Variants in PRPF6 observed in about 807,000 individuals in gnomAD.
PRPF6 encodes the protein pre-mRNA processing factor 6.
PRPF6 carries 42 observed loss-of-function variants against 118.3 expected under a neutral mutation model. That is an observed-to-expected ratio of 0.35 (90% CI 0.28 to 0.46). PRPF6 has a LOEUF of 0.46. PRPF6 is among the 20% of genes least tolerant of loss of function. The probability of loss-of-function intolerance (pLI) is 1.00; values close to 1 mark genes in which losing one functional copy is unlikely to be tolerated. For synonymous variants in PRPF6, 481 were observed against 485.1 expected, an observed-to-expected ratio of 0.99 and a Z score of 0.11; for missense variants, 662 against 1,255.7, an observed-to-expected ratio of 0.53 and a Z score of 7.15.
intron 2 of PRPF6, 64 bp downstream of exon 2, chr20:63,983,279 T>C (rs2059079171): frequency 6.3e-7 from 1 of 1,594,864 alleles, no homozygotes; most frequent in Non-Finnish European, 8.6e-7. Context: ...ACCTAACCAG[T>C]GTGTGTTGGT....
At position 64,021,367 on chromosome 20, in the gene PRPF6, GTGTGCATGTA is replaced by G. The variant is rs547871463; in HGVS notation, c.1648-1386_1648-1377del. On this transcript the variant is annotated intron_variant, in intron 12 of 20. Coordinates refer to ENST00000266079, the MANE Select transcript of PRPF6 (RefSeq NM_012469.4). ...TCTGTGTGTGTGTGCGTGTGCATGTGTGTGCATGTATGTATATGCCTGAGCCACAGCCCTG... is the reference window on the plus strand; with the variant it reads ...TCTGTGTGTGTGTGCGTGTGCATGTGTGTATATGCCTGAGCCACAGCCCTG... Among the ~76,000 whole-genome samples the G allele has an allele frequency of 1.4e-3, 212 of 151,254 alleles. 4 individuals are homozygous for G. The South Asian group carries it at 0.043, about 31-fold the overall frequency.
chr20:64,010,120 A>C (rs1349556137), intron 9 of PRPF6, 80 bp from the exon 10 acceptor site: 2 of 1,232,370 alleles, frequency 1.6e-6, no homozygotes, highest in Non-Finnish European at 2.4e-6. Context: ...TCTCATCCTG[A>C]CCAGCAGCAT....
At chr20:63,995,996 G>T (rs1005552354) in intron 6 of PRPF6, among the ~76,000 whole-genome samples, 20 of 152,046 alleles carry the variant, frequency 1.3e-4, no homozygotes, top group African/African-American at 4.8e-4. Flanking sequence ...TAAAAAGTGT[G>T]TTTTTTTCCT....
At chr20:63,981,618 C>A (rs1480023865) in intron 1 of PRPF6, among the ~76,000 whole-genome samples, 1 of 151,946 alleles carries the variant, frequency 6.6e-6, no homozygotes, top group African/African-American at 2.4e-5. Context: ...AACACGCGAC[C>A]ACCTTCCTCA....
chr20:63,990,714 G>A (rs933660850), intron 3 of PRPF6, among the ~76,000 whole-genome samples: 2 of 149,906 alleles, frequency 1.3e-5, no homozygotes, highest in Non-Finnish European at 3.0e-5. Context: ...GCGCAACCTC[G>A]GCTTACTGCA....
intron 5 of PRPF6, 71 bp from the exon 6 acceptor site, chr20:63,995,255 CA>C (rs1478614372): frequency 6.4e-6 from 10 of 1,573,464 alleles, no homozygotes; most frequent in Middle Eastern, 1.7e-4. Flanking sequence ...GGAAGTATTT[CA>C]GAGAGTAAAT....
intron 3 of PRPF6, among the ~76,000 whole-genome samples, chr20:63,988,319 C>CAAA (rs544577872): frequency 4.4e-5 from 5 of 114,142 alleles, no homozygotes; most frequent in African/African-American, 6.4e-5. Flanking sequence ...GACTCTGTCT[C>CAAA]AAAAAAAAAA....
chr20:64,008,008 C>G (rs1269697951), intron 9 of PRPF6, among the ~76,000 whole-genome samples: 1 of 152,314 alleles, frequency 6.6e-6, no homozygotes, highest in Middle Eastern at 3.4e-3. Context: ...AACTCCTGAC[C>G]TCAGGTGATC....
Position 64,027,006 on chromosome 20 carries a change from G to A in PRPF6, c.2053G>A (p.Glu685Lys). The change falls in exon 16 of 21, where the codon GAG (glutamate) becomes AAG (lysine). Residue 685 changes from glutamate to lysine, a missense_variant. Glu to Lys is a moderately conservative substitution (Grantham distance 56, BLOSUM62 1). Coordinates refer to ENST00000266079, the MANE Select transcript of PRPF6 (RefSeq NM_012469.4). This position sits in a 1 kb window ranked among gnomAD's most constrained non-coding sequence, Gnocchi z 6.5. Reference protein sequence around the residue: ...ARVFMKSVKLEWVQDNIRAAQ... With the variant: ...ARVFMKSVKLKWVQDNIRAAQ... ...GGTGTTCATGAAGTCTGTGAAGCTG[G>A]AGTGGGTGCAAGACAACATCAGGGC... The A allele has an allele frequency of 5.0e-6, 8 of 1,613,962 alleles. No individual in the cohort carries two copies. The highest frequency in any genetic ancestry group is 6.8e-6 in the Non-Finnish European group (8 of 1,180,022).
rs2059280023 is a variant in PRPF6, at chr20:64,024,646, G to A, written c.1861G>A (p.Ala621Thr). 6.2e-7 allele frequency: 1 copy of A among 1,613,700 alleles called. No individual in the cohort carries two copies. Among genetic ancestry groups the A allele is most frequent in the Admixed American group, 1.7e-5 (1 of 60,028 alleles). Residue 621 changes from alanine (A) to threonine (T), a missense_variant, in exon 14 of 21, where the codon GCA becomes ACA. Transcript: ENST00000266079. ...WLMGAKSKWL[A>T]GDVPAARSIL... ...CATGGGCGCCAAGTCCAAGTGGCTG[G>A]CAGGGGATGTGCCTGCAGCAAGGAG...
rs374227490 is a variant in PRPF6 at position 64,011,317 on chromosome 20, T to C, written c.1338T>C (p.Tyr446=). 125 of 1,614,032 alleles carry C rather than the reference T, an allele frequency of 7.7e-5. No individual in the cohort carries two copies. Among genetic ancestry groups the C allele is most frequent in the Non-Finnish European group, 9.7e-5 (114 of 1,180,032 alleles). The change falls in exon 11 of 21, where the codon TAT becomes TAC. Residue 446 remains tyrosine (Y), a synonymous_variant. Transcript: ENST00000266079. The surrounding 1 kb of genome is among the most constrained non-coding windows in gnomAD (Gnocchi z 6.7). ...TTGCTCTGGCAAGGCTGGAGACCTATGAAAATGCCCGCAAGGTCTTGAACA... is the reference window on the plus strand; with the variant it reads ...TTGCTCTGGCAAGGCTGGAGACCTACGAAAATGCCCGCAAGGTCTTGAACA... ...LWLALARLET[Y]ENARKVLNKA... is the part of the protein sequence containing the mutation.
At position 63,995,318 on chromosome 20, in the gene PRPF6, C is replaced by A. The variant is rs1462752167; in HGVS notation, c.616-9C>A. 6.2e-7 allele frequency: 1 copy of A among 1,607,688 alleles called. No homozygotes were observed. Among genetic ancestry groups the A allele is most frequent in the South Asian group, 1.1e-5 (1 of 90,298 alleles). On this transcript the variant is annotated splice_polypyrimidine_tract_variant and intron_variant, in intron 5 of 20. Transcript: ENST00000266079. Reference sequence around the variant, plus strand: ...GTTTTATTCTTGCCTTTCCTCTCTTCCCCTCCAGCAATTTGGAGGTCTTAA... The same window carrying A: ...GTTTTATTCTTGCCTTTCCTCTCTTACCCTCCAGCAATTTGGAGGTCTTAA...
intron 3 of PRPF6, among the ~76,000 whole-genome samples, chr20:63,989,432 G>A (rs1228343340): frequency 6.6e-6 from 1 of 152,046 alleles, no homozygotes; most frequent in Non-Finnish European, 1.5e-5. Context: ...CACAGAGACT[G>A]TCTCAAAAAG....
At chr20:63,993,246 GTGTGTGTGTGTGTGTGTA>G (rs1456537572) in intron 3 of PRPF6, among the ~76,000 whole-genome samples, 143 bp from the exon 4 acceptor site, 1 of 137,502 alleles carries the variant, frequency 7.3e-6, no homozygotes, top group African/African-American at 2.8e-5. Flanking sequence ...GTGTGTGTGT[GTGTGTGTGTGTGTGTGTA>G]TATGTATATA....
intron 12 of PRPF6, among the ~76,000 whole-genome samples, chr20:64,020,839 C>T (rs367961495): frequency 3.3e-4 from 49 of 146,546 alleles, no homozygotes; most frequent in African/African-American, 1.2e-3. Flanking sequence ...CAGGCTGGAG[C>T]GCAATGGCGC....
chr20:63,982,475 T>G (rs2059074851), intron 1 of PRPF6, among the ~76,000 whole-genome samples: 2 of 152,200 alleles, frequency 1.3e-5, no homozygotes, highest in Admixed American at 1.3e-4. Context: ...CGGCCCAGAA[T>G]TTTTTACTCA....
Position 64,016,791 on chromosome 20 carries a change from G to C in PRPF6, c.1593G>C (p.Gly531=), listed in dbSNP as rs952122128. The C allele has an allele frequency of 6.2e-7, 1 of 1,614,220 alleles. No individual in the cohort carries two copies. Among genetic ancestry groups the C allele is most frequent in the East Asian group, 2.2e-5 (1 of 44,888 alleles). Residue 531 remains glycine (G), a synonymous_variant, in exon 12 of 21, where the codon GGG becomes GGC. Coordinates refer to ENST00000266079, the MANE Select transcript of PRPF6 (RefSeq NM_012469.4). The part of the protein sequence containing the change: ...TCQAVMRAVI[G]IGIEEEDRKH... ...AGGCCGTCATGCGTGCCGTGATTGG[G>C]ATTGGGATTGAGGAGGAAGATCGGA...
chr20:63,986,198 G>A (rs1395056226), intron 3 of PRPF6, among the ~76,000 whole-genome samples: 2 of 151,648 alleles, frequency 1.3e-5, no homozygotes, highest in African/African-American at 2.4e-5. Context: ...AAAATTAGCC[G>A]GGCATGGTGG....
At position 63,982,253 on chromosome 20, in the gene PRPF6, A is replaced by G. The variant is rs868823264; in HGVS notation, c.72-794A>G. Among the ~76,000 whole-genome samples, 35 of 152,084 alleles carry G rather than the reference A, an allele frequency of 2.3e-4. No homozygotes were observed. In the South Asian group the frequency reaches 2.7e-3, roughly 12 times the overall value. On this transcript the variant is annotated intron_variant, in intron 1 of 20. Coordinates refer to ENST00000266079, the MANE Select transcript of PRPF6 (RefSeq NM_012469.4). ...AATGGTGCGATCTCAGCTCCCTGCA[A>G]TCTCTGCCCCCCGGGTTCAAGCAGT...
Sources: allele counts gnomAD v4.1 joint callset (sites outside exome capture counted in the v4.1 genomes callset), GRCh38; gene constraint gnomAD v4.1.1; non-coding constraint Gnocchi (gnomAD v3.1); transcripts MANE v1.5; gene names NCBI Gene and HGNC (gene_info 2026-07-23, HGNC 2026-07-21).